FHIT: variants seen among roughly 807,000 people sequenced by gnomAD.
The protein encoded by FHIT is bis(5'-adenosyl)-triphosphatase.
FHIT carries 19 observed loss-of-function variants against 17.9 expected under a neutral mutation model. The observed-to-expected ratio is 1.06, with a 90% confidence interval of 0.74 to 1.56. The LOEUF (loss-of-function observed/expected upper bound fraction) is 1.56, where lower values mean the gene tolerates loss of function less well. FHIT is among the 40% of genes most tolerant of loss of function. The pLI, the probability that FHIT is intolerant of heterozygous loss-of-function variation, is 0.00. For missense variants in FHIT, 248 were observed against 189.2 expected, an observed-to-expected ratio of 1.31 and a Z score of -1.82; for synonymous variants, 81 against 69.7, an observed-to-expected ratio of 1.16 and a Z score of -0.81.
At chr3:61,164,447 T>C (rs1292470985) in intron 2 of FHIT, among the ~76,000 whole-genome samples, 1 of 152,246 alleles carries the variant, frequency 6.6e-6, no homozygotes, top group East Asian at 1.9e-4. Flanking sequence ...GTGAAACTGA[T>C]GCTTGTTAGA....
intron 5 of FHIT, among the ~76,000 whole-genome samples, chr3:60,176,346 C>A (rs1424443960): frequency 6.6e-6 from 1 of 151,690 alleles, no homozygotes; most frequent in Non-Finnish European, 1.5e-5. Context: ...AGTGAGACTC[C>A]ATCTCAAAAC....
At chr3:60,022,468 C>T (rs1700588345) in intron 5 of FHIT, among the ~76,000 whole-genome samples, 1 of 152,180 alleles carries the variant, frequency 6.6e-6, no homozygotes, top group Admixed American at 6.5e-5. Flanking sequence ...CCCTTAACTT[C>T]TAGTATGTGA....
chr3:59,778,469 T>A (rs1262752818), intron 8 of FHIT, among the ~76,000 whole-genome samples: 1 of 152,162 alleles, frequency 6.6e-6, no homozygotes, highest in Admixed American at 6.5e-5. Flanking sequence ...CATTTTAGGA[T>A]GGAGCAGGGG....
At chr3:60,716,264 C>T (rs185258652) in intron 4 of FHIT, among the ~76,000 whole-genome samples, 15 of 152,108 alleles carry the variant, frequency 9.9e-5, no homozygotes, top group African/African-American at 3.6e-4. Flanking sequence ...CACACACACA[C>T]TCACACACAC....
intron 4 of FHIT, among the ~76,000 whole-genome samples, chr3:60,589,453 A>G (rs1188500672): frequency 2.0e-5 from 3 of 152,088 alleles, no homozygotes; most frequent in Non-Finnish European, 2.9e-5. Context: ...TCCACAGTAC[A>G]TACACATTTA....
intron 3 of FHIT, among the ~76,000 whole-genome samples, chr3:60,954,395 T>A (rs1413041118): frequency 6.6e-6 from 1 of 152,212 alleles, no homozygotes; most frequent in African/African-American, 2.4e-5. Context: ...CAAGGAAAGA[T>A]GTTATCTTAA....
intron 4 of FHIT, among the ~76,000 whole-genome samples, chr3:60,731,252 CA>C: frequency 6.6e-6 from 1 of 152,174 alleles, no homozygotes; most frequent in Admixed American, 6.5e-5. Flanking sequence ...TATGGGTCTG[CA>C]GCAACCTCAG....
At chr3:60,850,444 T>A (rs1553747946) in intron 3 of FHIT, among the ~76,000 whole-genome samples, 1 of 151,638 alleles carries the variant, frequency 6.6e-6, no homozygotes, top group Non-Finnish European at 1.5e-5. Context: ...GACTATCCAG[T>A]CTAAAGCAGA....
intron 8 of FHIT, among the ~76,000 whole-genome samples, chr3:59,820,411 T>C (rs1700746837): frequency 6.6e-6 from 1 of 152,228 alleles, no homozygotes; most frequent in Non-Finnish European, 1.5e-5. Context: ...ACCATGGTGA[T>C]TCTGATTCAA....
intron 2 of FHIT, among the ~76,000 whole-genome samples, chr3:61,194,750 T>C (rs1302309581): frequency 1.3e-5 from 2 of 152,216 alleles, no homozygotes; most frequent in Admixed American, 6.5e-5. Flanking sequence ...ACACATGGTA[T>C]GTAAAGTGAA....
chr3:60,741,617 C>A (rs375583112), intron 4 of FHIT, among the ~76,000 whole-genome samples: 3 of 152,240 alleles, frequency 2.0e-5, no homozygotes, highest in South Asian at 4.1e-4. Context: ...TCCCCCCAGG[C>A]ACTTCAAGTC....
At chr3:60,045,458 C>A (rs1433740155) in intron 5 of FHIT, among the ~76,000 whole-genome samples, 1 of 152,084 alleles carries the variant, frequency 6.6e-6, no homozygotes, top group Admixed American at 6.6e-5. Context: ...ACTCACCCAC[C>A]ATCATGAGAA....
chr3:60,860,606 G>GT (rs1703713701), intron 3 of FHIT, among the ~76,000 whole-genome samples: 1 of 69,370 alleles, frequency 1.4e-5, no homozygotes, highest in African/African-American at 5.4e-5. Context: ...AGGTATATAT[G>GT]ATACATATGT....
chr3:60,133,408 G>A (rs1266074118), intron 5 of FHIT, among the ~76,000 whole-genome samples: 3 of 152,152 alleles, frequency 2.0e-5, no homozygotes, highest in African/African-American at 2.4e-5. Flanking sequence ...GCCTGGAGGG[G>A]TAGAGCAGGG....
At chr3:60,134,789 A>G (rs1411767215) in intron 5 of FHIT, among the ~76,000 whole-genome samples, 1 of 152,152 alleles carries the variant, frequency 6.6e-6, no homozygotes, top group African/African-American at 2.4e-5. Context: ...GTATCTTGAT[A>G]CAATTAGTTG....
chr3:60,023,369 T>C (rs1432414751), intron 5 of FHIT, among the ~76,000 whole-genome samples: 1 of 152,216 alleles, frequency 6.6e-6, no homozygotes, highest in Non-Finnish European at 1.5e-5. Context: ...CACCAGTATG[T>C]GAATGAGGGG....
At chr3:60,964,322 G>T (rs1709606810) in intron 3 of FHIT, among the ~76,000 whole-genome samples, 1 of 151,714 alleles carries the variant, frequency 6.6e-6, no homozygotes, top group African/African-American at 2.4e-5. Flanking sequence ...GAGCCTATGT[G>T]TGTCTCTGCA....
At chr3:61,213,072 C>T (rs1343674460) in intron 1 of FHIT, among the ~76,000 whole-genome samples, 7 of 152,152 alleles carry the variant, frequency 4.6e-5, no homozygotes, top group African/African-American at 4.8e-5. Flanking sequence ...TAAAGACCAT[C>T]AAGGCTAGGA....
chr3:61,231,361 G>A (rs2040096293), intron 1 of FHIT, among the ~76,000 whole-genome samples: 1 of 152,070 alleles, frequency 6.6e-6, no homozygotes, highest in African/African-American at 2.4e-5. Flanking sequence ...AGGTGTGGTG[G>A]TGGGCACCTA....
Sources: allele counts gnomAD v4.1 joint callset (sites outside exome capture counted in the v4.1 genomes callset), GRCh38; gene constraint gnomAD v4.1.1; transcripts MANE v1.5; gene names NCBI Gene and HGNC (gene_info 2026-07-23, HGNC 2026-07-21).